NPSR1: variants seen among roughly 807,000 people sequenced by gnomAD.
NPSR1 encodes the protein neuropeptide S receptor.
A neutral mutation model predicts 46.9 loss-of-function variants in NPSR1; 48 were observed. That is an observed-to-expected ratio of 1.02 (90% CI 0.81 to 1.30). The LOEUF (loss-of-function observed/expected upper bound fraction) is 1.30. Among genes scored for constraint, NPSR1 ranks in the 50% most tolerant of loss-of-function variants. NPSR1 has a pLI of 0.00. For missense variants in NPSR1, 450 were observed against 449.5 expected, an observed-to-expected ratio of 1.00 and a Z score of -0.01; for synonymous variants, 176 against 168.1, an observed-to-expected ratio of 1.05 and a Z score of -0.36.
At chr7:34,849,000 A>G (rs1790843148) in intron 8 of NPSR1, among the ~76,000 whole-genome samples, 1 of 152,258 alleles carries the variant, frequency 6.6e-6, no homozygotes. Flanking sequence ...CCTTATTACC[A>G]TTTTACAGAT....
intron 8 of NPSR1, among the ~76,000 whole-genome samples, chr7:34,866,658 C>T (rs1791322839): frequency 6.6e-6 from 1 of 151,592 alleles, no homozygotes; most frequent in African/African-American, 2.4e-5. Context: ...TCTCCTCTTC[C>T]TACCTAAAAT....
At chr7:34,733,049 T>A (rs528120353) in intron 2 of NPSR1, among the ~76,000 whole-genome samples, 28 of 152,362 alleles carry the variant, frequency 1.8e-4, no homozygotes, top group African/African-American at 6.0e-4. Context: ...ATTCAAAAAT[T>A]GCTCATCAAC....
intron 4 of NPSR1, among the ~76,000 whole-genome samples, chr7:34,814,780 G>A (rs1279624646): frequency 6.6e-6 from 1 of 152,174 alleles, no homozygotes; most frequent in East Asian, 1.9e-4. Flanking sequence ...AACAGGGTCT[G>A]GAGTGGATCT....
Position 34,744,527 on chromosome 7 carries a change from T to C in NPSR1, c.281-33935T>C, listed in dbSNP as rs112946195. Among the ~76,000 whole-genome samples, 224 of 152,292 alleles carry C rather than the reference T, an allele frequency of 1.5e-3. 3 individuals are homozygous for C. The highest frequency in any genetic ancestry group is 4.7e-3 in the African/African-American group (196 of 41,564). ...CTAGCAGGGATTCAATAGATGTCCATTGAACTGTCAAAATGAATGCAGATG... is the reference window on the plus strand; with the variant it reads ...CTAGCAGGGATTCAATAGATGTCCACTGAACTGTCAAAATGAATGCAGATG... On this transcript the variant is annotated intron_variant, in intron 2 of 8. Coordinates refer to ENST00000360581, the MANE Select transcript of NPSR1 (RefSeq NM_207172.2).
At chr7:34,669,638 G>C (rs1415156276) in intron 1 of NPSR1, among the ~76,000 whole-genome samples, 2 of 151,696 alleles carry the variant, frequency 1.3e-5, no homozygotes, top group Admixed American at 1.3e-4. Context: ...AAGTCTATTT[G>C]ACCACAGAGC....
chr7:34,763,760 A>T lies in NPSR1; in HGVS notation c.281-14702A>T, dbSNP rs181145827. Reference sequence around the variant, plus strand: ...TGAACAGTTGGGTATGGCCAAGGAAACTCTCAACTGCATCTTCTTCACTGC... The same window carrying T: ...TGAACAGTTGGGTATGGCCAAGGAATCTCTCAACTGCATCTTCTTCACTGC... On this transcript the variant is annotated intron_variant, in intron 2 of 8. Transcript: ENST00000360581. Among the ~76,000 whole-genome samples, 467 of 152,182 alleles carry T rather than the reference A, an allele frequency of 3.1e-3. 7 individuals carry two copies. Among genetic ancestry groups the T allele is most frequent in the South Asian group, 0.018 (88 of 4,814 alleles).
In NPSR1 at chr7:34,658,533, T is replaced by G; in HGVS notation, c.121T>G (p.Trp41Gly). The change falls in exon 1 of 9, where the codon TGG becomes GGG. Residue 41 changes from tryptophan to glycine, a missense_variant. By Grantham distance (184) the Trp-to-Gly change is radical. Transcript: ENST00000360581. ...TACTGAAGTGGTGGAAGGAAAGGAA[T>G]GGGGTTCCTTCTACTACTCCTTTAA... ...TFTEVVEGKE[W>G]GSFYYSFKTE... 2 of 1,614,120 alleles carry G rather than the reference T, an allele frequency of 1.2e-6. No individual in the cohort carries two copies. The highest frequency in any genetic ancestry group is 1.7e-6 in the Non-Finnish European group (2 of 1,179,974).
Position 34,754,351 on chromosome 7 carries a change from A to C in NPSR1, c.281-24111A>C, listed in dbSNP as rs79394289. Among the ~76,000 whole-genome samples, 877 of 152,328 alleles carry C rather than the reference A, an allele frequency of 5.8e-3. 9 individuals carry two copies. The highest frequency in any genetic ancestry group is 8.7e-3 in the Non-Finnish European group (592 of 68,008). ...TTCTGAAAAAAGAACTGAGTGACTA[A>C]CAATGGTTGGAGAAGGGTGCCTTTC... On this transcript the variant is annotated intron_variant, in intron 2 of 8. Transcript: ENST00000360581.
chr7:34,658,643 G>A, intron 1 of NPSR1, 84 bp downstream of exon 1: 1 of 1,305,692 alleles, frequency 7.7e-7, no homozygotes, highest in Non-Finnish European at 1.1e-6. Context: ...AAGTATCATA[G>A]CCAGTATTGT....
intron 1 of NPSR1, among the ~76,000 whole-genome samples, chr7:34,666,789 G>C (rs1344326624): frequency 6.6e-6 from 1 of 152,046 alleles, no homozygotes; most frequent in East Asian, 1.9e-4. Context: ...GGGTACAGAG[G>C]CTGGATCTGC....
At chr7:34,784,326 T>C (rs944925865) in intron 3 of NPSR1, among the ~76,000 whole-genome samples, 27 of 152,142 alleles carry the variant, frequency 1.8e-4, no homozygotes, top group Non-Finnish European at 3.8e-4. Flanking sequence ...GGGTTTGTCA[T>C]AGATAGCTCT....
At chr7:34,712,286 C>G (rs528594370) in intron 2 of NPSR1, among the ~76,000 whole-genome samples, 13 of 152,298 alleles carry the variant, frequency 8.5e-5, no homozygotes, top group Non-Finnish European at 1.6e-4. Flanking sequence ...ACCATAGATA[C>G]TCAACTATAA....
At chr7:34,825,513 G>C (rs151064516) in intron 4 of NPSR1, among the ~76,000 whole-genome samples, 1 of 152,336 alleles carries the variant, frequency 6.6e-6, no homozygotes, top group Admixed American at 6.5e-5. Context: ...AGCCCAGGGG[G>C]CTGATGTAAA....
chr7:34,864,318 C>T (rs1301736050), intron 8 of NPSR1, among the ~76,000 whole-genome samples: 3 of 150,428 alleles, frequency 2.0e-5, no homozygotes, highest in Admixed American at 2.0e-4. Context: ...ACGTGTATAC[C>T]TATGTAACAA....
intron 2 of NPSR1, among the ~76,000 whole-genome samples, chr7:34,688,756 CTT>C (rs1023960142): frequency 4.6e-5 from 7 of 152,194 alleles, no homozygotes; most frequent in Non-Finnish European, 8.8e-5. Flanking sequence ...CCCAGGAAAA[CTT>C]TGTGGCAGTA....
chr7:34,773,385 T>C (rs891352861), intron 2 of NPSR1, among the ~76,000 whole-genome samples: 1 of 152,154 alleles, frequency 6.6e-6, no homozygotes, highest in South Asian at 2.1e-4. Flanking sequence ...CCTTCACAAT[T>C]AAGTGGGTCC....
chr7:34,672,457 C>T (rs1398349924), intron 1 of NPSR1, among the ~76,000 whole-genome samples: 3 of 152,076 alleles, frequency 2.0e-5, no homozygotes, highest in Non-Finnish European at 4.4e-5. Flanking sequence ...AAACTGAATT[C>T]GAAAGTAACG....
chr7:34,710,775 G>A, intron 2 of NPSR1: 1 of 466,782 alleles, frequency 2.1e-6, no homozygotes, highest in East Asian at 5.2e-5. Context: ...CTATTGAAGA[G>A]AAGAAATGTT....
intron 1 of NPSR1, among the ~76,000 whole-genome samples, chr7:34,662,402 A>T (rs1050766574): frequency 2.0e-5 from 3 of 151,434 alleles, no homozygotes; most frequent in Non-Finnish European, 4.4e-5. Context: ...TTTCAACTCA[A>T]CGCATGTCCC....
Sources: gnomAD v4.1 joint callset for allele counts (sites outside exome capture counted in the v4.1 genomes callset) on GRCh38, gnomAD v4.1.1 for gene constraint, MANE v1.5 for transcripts, NCBI Gene and HGNC (gene_info 2026-07-23, HGNC 2026-07-21) for gene names.